Variants in RGS1 observed in about 807,000 individuals in gnomAD.
The protein encoded by RGS1 is regulator of G protein signaling 1.
Under a neutral mutation model 22.2 loss-of-function variants are expected in RGS1, and 11 were observed. That is an observed-to-expected ratio of 0.50 (90% CI 0.31 to 0.82). The LOEUF (loss-of-function observed/expected upper bound fraction) is 0.82, where lower values mean the gene tolerates loss of function less well. RGS1 is among the 40% of genes least tolerant of loss of function. RGS1 has a pLI of 0.04. For missense variants in RGS1, 255 were observed against 245.8 expected, an observed-to-expected ratio of 1.04 and a Z score of -0.25; for synonymous variants, 81 against 79.9, an observed-to-expected ratio of 1.01 and a Z score of -0.07.
intron 4 of RGS1, 172 bp downstream of exon 4, chr1:192,578,557 T>A: frequency 1.3e-6 from 1 of 759,490 alleles, no homozygotes; most frequent in Non-Finnish European, 2.1e-6. Context: ...TCTATATTGG[T>A]GAGGGTTTCA....
chr1:192,577,501 A>T (rs1662082416), intron 3 of RGS1: 1 of 152,138 alleles, frequency 6.6e-6, no homozygotes, highest in Non-Finnish European at 1.5e-5. Context: ...TGGGCATTAC[A>T]ATTCTACTGA....
rs774346849 is a variant in RGS1 at position 192,579,148 on chromosome 1, C to G, written c.456C>G (p.Asp152Glu). Residue 152 changes from aspartate (D) to glutamate (E), a missense_variant, in exon 5 of 5, where the codon GAC (aspartate) becomes GAG (glutamate). Transcript: ENST00000367459. ...HSDAAKQINI[D>E]FRTRESTAKK... ...GTTTTCTTTTTTAGATCAATATTGA[C>G]TTCCGCACTCGAGAATCTACAGCCA... 6.2e-7 allele frequency: 1 copy of G among 1,612,068 alleles called. No individual in the cohort carries two copies. The highest frequency in any genetic ancestry group is 1.7e-5 in the Admixed American group (1 of 59,686).
intron 1 of RGS1, 116 bp downstream of exon 1, chr1:192,576,045 T>G: frequency 1.6e-6 from 2 of 1,217,774 alleles, no homozygotes; most frequent in Non-Finnish European, 2.3e-6. Flanking sequence ...TCAGAGGAGT[T>G]AATTGCCTGT....
In RGS1 at chr1:192,578,966, A is replaced by G. The variant is rs190135955; in HGVS notation, c.445-171A>G. The G allele has an allele frequency of 2.9e-3, 1,723 of 596,150 alleles. 6 individuals carry two copies. The highest frequency in any genetic ancestry group is 4.2e-3 in the Admixed American group (119 of 28,468). The allele number at this position is 596,150 out of a possible 1,614,324, so 36.9% of individuals were successfully genotyped here. ...CAAAGACATTTTTGTAATATTTCTT[A>G]TCTCCTTCACACCTAGTATAGAGCT... On this transcript the variant is annotated intron_variant, in intron 4 of 4. Transcript: ENST00000367459.
In RGS1 at chr1:192,577,078, ATAAAAT is replaced by A. The variant is rs1662074450; in HGVS notation, c.280+248_280+253del. On this transcript the variant is annotated intron_variant, in intron 3 of 4. Transcript: ENST00000367459. ...GGTATTTTCATAGATCATTATGGAG[ATAAAAT>A]TAAACATTGTGCTGGGATTCTGATA... is the stretch of plus-strand genomic sequence containing the variant. 3 of 378,286 alleles carry A rather than the reference ATAAAAT, an allele frequency of 7.9e-6. No individual in the cohort carries two copies. The Admixed American group carries it at 1.4e-4, about 17-fold the overall frequency. The allele number at this position is 378,286 out of a possible 1,614,324, so 23.4% of individuals were successfully genotyped here. A position where few individuals can be genotyped will look rare whatever the true frequency, so the allele number is the denominator to read the frequency against.
At chr1:192,578,133 A>AT in intron 3 of RGS1, 89 bp from the exon 4 acceptor site, 1 of 1,459,234 alleles carries the variant, frequency 6.9e-7, no homozygotes, top group African/African-American at 1.4e-5. Context: ...AAGCAATTGT[A>AT]TTTTTCTTAC....
At chr1:192,576,424 T>C (rs1662060971) in intron 2 of RGS1, 59 bp downstream of exon 2, 1 of 1,239,940 alleles carries the variant, frequency 8.1e-7, no homozygotes, top group Non-Finnish European at 1.2e-6. Flanking sequence ...CTATGCATTA[T>C]CTCTATATCC....
chr1:192,576,693 C>T lies in RGS1; in HGVS notation c.219-81C>T, dbSNP rs191402596. ...CTACAGTTTCAGTTTGTGAAGTTAT[C>T]AAAGTGTAACAGCCATTCTTATTTC... On this transcript the variant is annotated intron_variant, in intron 2 of 4. Transcript: ENST00000367459. 1.2e-4 allele frequency: 141 copies of T among 1,181,964 alleles called. 1 individual carries two copies. In the East Asian group the frequency reaches 3.5e-3, roughly 30 times the overall value. The allele number at this position is 1,181,964 out of a possible 1,614,324, so 73.2% of individuals were successfully genotyped here.
intron 4 of RGS1, 160 bp downstream of exon 4, chr1:192,578,545 T>A: frequency 1.2e-6 from 1 of 810,800 alleles, no homozygotes. Context: ...AGAATCTAAT[T>A]TTCTATATTG....
Position 192,579,370 on chromosome 1 carries a change from G to C in RGS1, c.*48G>C. On this transcript the variant is annotated 3_prime_UTR_variant, in exon 5 of 5. Coordinates refer to ENST00000367459, the MANE Select transcript of RGS1 (RefSeq NM_002922.4). The stretch of plus-strand genomic sequence containing the variant: ...TAACAGATAGTATCAAGCGCAGAAG[G>C]AATGTGCCAGTATGGCTCCCTGGGT... The C allele has an allele frequency of 1.9e-6, 3 of 1,582,432 alleles. No individual in the cohort carries two copies. The highest frequency in any genetic ancestry group is 1.1e-5 in the South Asian group (1 of 87,706).
In RGS1 at chr1:192,575,923, A is replaced by C; in HGVS notation, c.131A>C (p.Lys44Thr). The part of the protein sequence containing the change: ...LDDKMQKRRP[K>T]TFGMDMKAYL... ...GACAAAATGCAAAAAAGGAGGCCAA[A>C]GACTTTGTAAGTTTGTTCAGAGTCT... Residue 44 changes from lysine (K) to threonine (T), a missense_variant, in exon 1 of 5, where the codon AAG becomes ACG. By Grantham distance (78) the Lys-to-Thr change is moderately conservative. Coordinates refer to ENST00000367459, the MANE Select transcript of RGS1 (RefSeq NM_002922.4). 6.2e-7 allele frequency: 1 copy of C among 1,612,890 alleles called. No homozygotes were observed. Among genetic ancestry groups the C allele is most frequent in the Non-Finnish European group, 8.5e-7 (1 of 1,179,248 alleles).
chr1:192,579,136 G>C lies in RGS1; in HGVS notation c.445-1G>C, dbSNP rs1272953902. The C allele has an allele frequency of 6.2e-7, 1 of 1,603,222 alleles. No individual in the cohort carries two copies. Among genetic ancestry groups the C allele is most frequent in the Non-Finnish European group, 8.5e-7 (1 of 1,177,012 alleles). On this transcript the variant is annotated splice_acceptor_variant, in intron 4 of 4. Transcript: ENST00000367459. LOFTEE classifies it high-confidence loss of function. The stretch of plus-strand genomic sequence containing the variant: ...TTAGCTAACAAGGTTTTCTTTTTTA[G>C]ATCAATATTGACTTCCGCACTCGAG...
chr1:192,576,601 T>C (rs1662064945), intron 2 of RGS1, 173 bp from the exon 3 acceptor site: 5 of 688,012 alleles, frequency 7.3e-6, no homozygotes, highest in Non-Finnish European at 1.2e-5. Context: ...GTTTTTTTTT[T>C]CATAACTATA....
At chr1:192,578,075 AAC>A (rs1274135917) in intron 3 of RGS1, 145 bp from the exon 4 acceptor site, 2 of 929,416 alleles carry the variant, frequency 2.2e-6, no homozygotes, top group African/African-American at 1.7e-5. Context: ...TACAATCTAT[AAC>A]ACAGCTATTT....
Position 192,579,325 on chromosome 1 carries a change from G to T in RGS1, c.*3G>T. On this transcript the variant is annotated 3_prime_UTR_variant, in exon 5 of 5. Transcript: ENST00000367459. ...TGCAGGCTAATAGCCTAAAGTGACT[G>T]GTCCCTGGCTGAAGGGAATTAACAG... 1 of 1,611,674 alleles carries T rather than the reference G, an allele frequency of 6.2e-7. No homozygotes were observed. The highest frequency in any genetic ancestry group is 8.5e-7 in the Non-Finnish European group (1 of 1,178,794).
In RGS1 at chr1:192,576,370, G is replaced by C; in HGVS notation, c.218+5G>C. 6.3e-7 allele frequency: 1 copy of C among 1,585,334 alleles called. No individual in the cohort carries two copies. The highest frequency in any genetic ancestry group is 8.7e-7 in the Non-Finnish European group (1 of 1,154,564). On this transcript the variant is annotated splice_donor_5th_base_variant and intron_variant, in intron 2 of 4. Coordinates refer to ENST00000367459, the MANE Select transcript of RGS1 (RefSeq NM_002922.4). ...ATCTTCCAAGTCCAAGGATGTGTAA[G>C]TACACTAATACACTAAACTATCATT... is the stretch of plus-strand genomic sequence containing the variant.
chr1:192,578,213 T>C lies in RGS1; in HGVS notation c.281-9T>C, dbSNP rs754287081. 35 of 1,598,726 alleles carry C rather than the reference T, an allele frequency of 2.2e-5. No individual in the cohort carries two copies. The highest frequency in any genetic ancestry group is 1.1e-4 in the South Asian group (10 of 87,800). ...ATTATCTCCCCACCCACCCCTCGTT[T>C]CTTTTTAGCTGGTCAAAATGTCTTT... On this transcript the variant is annotated splice_polypyrimidine_tract_variant and intron_variant, in intron 3 of 4. Transcript: ENST00000367459.
Position 192,579,617 on chromosome 1 carries a change from T to C in RGS1, c.*295T>C, listed in dbSNP as rs568436550. The C allele has an allele frequency of 3.5e-5, 10 of 285,100 alleles. 1 individual carries two copies. Among genetic ancestry groups the C allele is most frequent in the Middle Eastern group, 2.0e-3 (2 of 1,020 alleles). The allele number at this position is 285,100 out of a possible 1,614,324, so 17.7% of individuals were successfully genotyped here. A position where few individuals can be genotyped will look rare whatever the true frequency, so the allele number is the denominator to read the frequency against. On this transcript the variant is annotated 3_prime_UTR_variant, in exon 5 of 5. Coordinates refer to ENST00000367459, the MANE Select transcript of RGS1 (RefSeq NM_002922.4). ...ACTGGGAAGGCCAGGTAACTCTAGT[T>C]ACACAGAAACTGTGACTAAAGTCTA... is the stretch of plus-strand genomic sequence containing the variant.
In RGS1 at chr1:192,579,593, C is replaced by A; in HGVS notation, c.*271C>A. The A allele has an allele frequency of 3.0e-6, 1 of 330,954 alleles. No homozygotes were observed. The highest frequency in any genetic ancestry group is 5.5e-6 in the Non-Finnish European group (1 of 182,276). 20.5% of individuals were successfully genotyped at this position (330,954 alleles called of 1,614,324 possible). A position where few individuals can be genotyped will look rare whatever the true frequency, so the allele number is the denominator to read the frequency against. On this transcript the variant is annotated 3_prime_UTR_variant, in exon 5 of 5. Coordinates refer to ENST00000367459, the MANE Select transcript of RGS1 (RefSeq NM_002922.4). ...CTCTGTATTAGAAAGCCCCTCAGAA[C>A]TGGGAAGGCCAGGTAACTCTAGTTA...
Sources: gnomAD v4.1 joint callset for allele counts on GRCh38, gnomAD v4.1.1 for gene constraint, MANE v1.5 for transcripts, NCBI Gene and HGNC (gene_info 2026-07-23, HGNC 2026-07-21) for gene names.